ZEB1: variants seen among roughly 807,000 people sequenced by gnomAD.
ZEB1 encodes zinc finger E-box-binding homeobox 1.
Under a neutral mutation model 84.9 loss-of-function variants are expected in ZEB1, and 21 were observed. The ratio of observed to expected loss-of-function variants is 0.25; its 90% CI spans 0.18 to 0.36. The LOEUF is 0.36. ZEB1 is among the 10% of genes least tolerant of loss of function. The probability of loss-of-function intolerance (pLI) is 1.00; values close to 1 mark genes in which losing one functional copy is unlikely to be tolerated. For missense variants in ZEB1, 1,104 were observed against 1,330.2 expected, an observed-to-expected ratio of 0.83 and a Z score of 2.65; for synonymous variants, 420 against 471.1, an observed-to-expected ratio of 0.89 and a Z score of 1.41.
chr10:31,465,116 G>A (rs2062241381), intron 2 of ZEB1, among the ~76,000 whole-genome samples: 1 of 151,872 alleles, frequency 6.6e-6, no homozygotes, highest in Admixed American at 6.6e-5. Flanking sequence ...ATACCTGAGG[G>A]GACAGTTAAA....
intron 1 of ZEB1, chr10:31,374,680 T>C (rs1400886034): frequency 6.6e-6 from 1 of 151,876 alleles, no homozygotes; most frequent in Non-Finnish European, 1.5e-5. Context: ...TTAGATTGAA[T>C]TGATAACTTG....
intron 2 of ZEB1, among the ~76,000 whole-genome samples, chr10:31,467,767 T>C (rs1198759182): frequency 1.3e-5 from 2 of 151,832 alleles, no homozygotes; most frequent in Non-Finnish European, 2.9e-5. Context: ...GAGTGTGGTG[T>C]GGGTTTTTCA....
intron 2 of ZEB1, among the ~76,000 whole-genome samples, chr10:31,486,502 T>G (rs1393431499): frequency 2.0e-5 from 3 of 151,700 alleles, no homozygotes; most frequent in Non-Finnish European, 4.4e-5. Context: ...TATCATGTGT[T>G]TATTATGTCC....
At chr10:31,414,903 A>G (rs936732567) in intron 1 of ZEB1, among the ~76,000 whole-genome samples, 2 of 152,218 alleles carry the variant, frequency 1.3e-5, no homozygotes, top group Non-Finnish European at 2.9e-5. Flanking sequence ...TGATAAAAGC[A>G]TTGTTCATAC....
chr10:31,492,124 G>T (rs2066616486), intron 2 of ZEB1, among the ~76,000 whole-genome samples: 1 of 151,842 alleles, frequency 6.6e-6, no homozygotes, highest in Admixed American at 6.6e-5. Context: ...TTACTCATTT[G>T]GACTGGGTAA....
intron 1 of ZEB1, among the ~76,000 whole-genome samples, chr10:31,379,907 T>C (rs2047334858): frequency 6.6e-6 from 1 of 152,178 alleles, no homozygotes; most frequent in Non-Finnish European, 1.5e-5. Context: ...TTCTTTCATA[T>C]GCATTTCTTT....
intron 2 of ZEB1, among the ~76,000 whole-genome samples, chr10:31,462,448 A>G (rs1199949231): frequency 6.6e-6 from 1 of 152,210 alleles, no homozygotes; most frequent in Non-Finnish European, 1.5e-5. Context: ...TTAGGTATAC[A>G]TTATATGGCA....
At chr10:31,378,409 G>A (rs1368954377) in intron 1 of ZEB1, among the ~76,000 whole-genome samples, 1 of 151,536 alleles carries the variant, frequency 6.6e-6, no homozygotes, top group South Asian at 2.1e-4. Flanking sequence ...TAAAAAATGA[G>A]AGTTAAAATA....
chr10:31,435,741 G>A (rs2058217143), intron 1 of ZEB1, among the ~76,000 whole-genome samples: 2 of 152,206 alleles, frequency 1.3e-5, no homozygotes, highest in South Asian at 4.1e-4. Context: ...CAAAAATGTG[G>A]AGCCTTGCAG....
At chr10:31,506,612 A>T (rs2069021668) in intron 4 of ZEB1, among the ~76,000 whole-genome samples, 1 of 151,994 alleles carries the variant, frequency 6.6e-6, no homozygotes, top group East Asian at 1.9e-4. Flanking sequence ...ATTTGCATGG[A>T]CATCTTTTTC....
chr10:31,441,666 A>G (rs993459641), intron 1 of ZEB1, among the ~76,000 whole-genome samples: 1 of 152,206 alleles, frequency 6.6e-6, no homozygotes, highest in Non-Finnish European at 1.5e-5. Flanking sequence ...CATTTGACAA[A>G]GGGCTAATAT....
At chr10:31,364,839 AG>A (rs2044155633) in intron 1 of ZEB1, among the ~76,000 whole-genome samples, 1 of 152,180 alleles carries the variant, frequency 6.6e-6, no homozygotes, top group Admixed American at 6.5e-5. Flanking sequence ...TTTTTCATGT[AG>A]TCCTGGGGTA....
chr10:31,420,478 C>G (rs2055972590), intron 1 of ZEB1, among the ~76,000 whole-genome samples: 1 of 152,130 alleles, frequency 6.6e-6, no homozygotes, highest in Non-Finnish European at 1.5e-5. Context: ...CACCTTTTCA[C>G]AAGTGGCAGA....
chr10:31,509,427 C>T (rs2069578862), intron 4 of ZEB1, among the ~76,000 whole-genome samples: 1 of 152,166 alleles, frequency 6.6e-6, no homozygotes. Context: ...GAGGTGTTTC[C>T]TGTCACTTTT....
intron 1 of ZEB1, among the ~76,000 whole-genome samples, chr10:31,338,449 G>A (rs1330170184): frequency 6.6e-6 from 1 of 152,152 alleles, no homozygotes; most frequent in Non-Finnish European, 1.5e-5. Context: ...TAGGCAGTCT[G>A]GTTCCACAGT....
chr10:31,364,386 C>T (rs1054731153), intron 1 of ZEB1, among the ~76,000 whole-genome samples: 1 of 152,228 alleles, frequency 6.6e-6, no homozygotes, highest in Non-Finnish European at 1.5e-5. Context: ...GCCCTTCCAC[C>T]TGGCGCCTGG....
intron 2 of ZEB1, among the ~76,000 whole-genome samples, chr10:31,465,371 C>T (rs1193552179): frequency 1.3e-5 from 2 of 151,414 alleles, no homozygotes; most frequent in Non-Finnish European, 1.5e-5. Flanking sequence ...ATTGTTATGA[C>T]TATAAAATGG....
intron 2 of ZEB1, among the ~76,000 whole-genome samples, chr10:31,461,779 T>G (rs1391901251): frequency 6.6e-6 from 1 of 152,154 alleles, no homozygotes; most frequent in East Asian, 1.9e-4. Flanking sequence ...CTTGCTGCAC[T>G]TTCAGTGAGT....
chr10:31,424,836 A>G (rs2056718149), intron 1 of ZEB1, among the ~76,000 whole-genome samples: 1 of 151,952 alleles, frequency 6.6e-6, no homozygotes, highest in Non-Finnish European at 1.5e-5. Context: ...TTGATATTTT[A>G]TTGCCTTATT....
Sources: allele counts gnomAD v4.1 joint callset (sites outside exome capture counted in the v4.1 genomes callset), GRCh38; gene constraint gnomAD v4.1.1; transcripts MANE v1.5; gene names NCBI Gene and HGNC (gene_info 2026-07-23, HGNC 2026-07-21).